The following WNT8B variants were observed in gnomAD, a reference collection of about 807,000 sequenced individuals.
WNT8B encodes the protein protein Wnt-8b.
WNT8B carries 24 observed loss-of-function variants against 36.6 expected under a neutral mutation model. The observed-to-expected ratio is 0.66, with a 90% confidence interval of 0.48 to 0.92. WNT8B has a LOEUF of 0.92. WNT8B is among the 40% of genes least tolerant of loss of function. The pLI is 0.00. For missense variants in WNT8B, 402 were observed against 470.8 expected (o/e 0.85, Z 1.35); for synonymous variants, 199 against 189.8 (o/e 1.05, Z -0.40).
chr10:100,463,441 G>A (rs1033727197), intron 1 of WNT8B, among the ~76,000 whole-genome samples: 1 of 152,146 alleles, frequency 6.6e-6, no homozygotes, highest in Admixed American at 6.6e-5. Flanking sequence ...TAAATGATGG[G>A]AGCGGGGGTT....
At chr10:100,471,273 C>G (rs1255633733) in intron 1 of WNT8B, among the ~76,000 whole-genome samples, 1 of 152,202 alleles carries the variant, frequency 6.6e-6, no homozygotes, top group Non-Finnish European at 1.5e-5. Context: ...TGTCATGAAG[C>G]CACACACTGT....
In WNT8B at chr10:100,469,037, T is replaced by C. The variant is rs1417822; in HGVS notation, c.68+5801T>C. Among the ~76,000 whole-genome samples, 741 of 152,340 alleles carry C rather than the reference T, an allele frequency of 4.9e-3. 9 individuals are homozygous for C. The highest frequency in any genetic ancestry group is 0.017 in the African/African-American group (718 of 41,580). On this transcript the variant is annotated intron_variant, in intron 1 of 5. Coordinates refer to ENST00000343737, the MANE Select transcript of WNT8B (RefSeq NM_003393.4). ...TCATTATATAAAAAATTCACATTTA[T>C]AAAAAACATTTTTAGAATGATTTAC...
intron 1 of WNT8B, among the ~76,000 whole-genome samples, chr10:100,474,371 C>T (rs1851010095): frequency 6.6e-6 from 1 of 152,172 alleles, no homozygotes; most frequent in Non-Finnish European, 1.5e-5. Flanking sequence ...AGCATCTTTC[C>T]TTCAATCACA....
In WNT8B at chr10:100,482,786, C is replaced by T; in HGVS notation, c.1026C>T (p.Gly342=). Residue 342 remains glycine (G), a synonymous_variant, in exon 6 of 6, where the codon GGC becomes GGT. Coordinates refer to ENST00000343737, the MANE Select transcript of WNT8B (RefSeq NM_003393.4). The surrounding 1 kb of genome is among the most constrained non-coding windows in gnomAD (Gnocchi z 6.6). The part of the protein sequence containing the change: ...FCSRAERPRG[G]AAHKPGRKP ...GCCGCGCAGAGCGGCCGCGGGGGGG[C>T]GCTGCGCACAAACCCGGGAGAAAAC... 6.3e-6 allele frequency: 10 copies of T among 1,584,526 alleles called. No homozygotes were observed. The highest frequency in any genetic ancestry group is 7.7e-6 in the Non-Finnish European group (9 of 1,163,862).
chr10:100,479,146 T>C, intron 2 of WNT8B, 61 bp downstream of exon 2: 1 of 1,470,428 alleles, frequency 6.8e-7, no homozygotes, highest in East Asian at 2.3e-5. Context: ...TGACTAAAGA[T>C]GATAAATGCA....
Position 100,483,295 on chromosome 10 carries a change from A to G in WNT8B, c.*479A>G, listed in dbSNP as rs1445501371. 1 of 154,734 alleles carries G rather than the reference A, an allele frequency of 6.5e-6. No individual in the cohort carries two copies. The highest frequency in any genetic ancestry group is 1.4e-5 in the Non-Finnish European group (1 of 69,870). The allele number at this position is 154,734 out of a possible 1,614,324, so 9.6% of individuals were successfully genotyped here. ...TGCTACCTGCTGAGCCAGATTCCCC[A>G]GGAATCTTGAATGCTTTCTCTCCTC... On this transcript the variant is annotated 3_prime_UTR_variant, in exon 6 of 6. Transcript: ENST00000343737.
chr10:100,469,607 C>T (rs973154904), intron 1 of WNT8B, among the ~76,000 whole-genome samples: 13 of 152,188 alleles, frequency 8.5e-5, no homozygotes, highest in Non-Finnish European at 1.8e-4. Flanking sequence ...AGTTCAATCC[C>T]CTCAGGTATT....
chr10:100,472,251 C>T (rs1850987416), intron 1 of WNT8B, among the ~76,000 whole-genome samples: 1 of 151,578 alleles, frequency 6.6e-6, no homozygotes, highest in African/African-American at 2.4e-5. Flanking sequence ...GCTGGGACTA[C>T]AGGCACCCGC....
intron 1 of WNT8B, among the ~76,000 whole-genome samples, chr10:100,473,016 A>G (rs1850996565): frequency 6.6e-6 from 1 of 152,202 alleles, no homozygotes; most frequent in African/African-American, 2.4e-5. Context: ...TTTCTGCTGC[A>G]TCTGATGGTC....
At chr10:100,466,898 G>A (rs1022671448) in intron 1 of WNT8B, among the ~76,000 whole-genome samples, 2 of 152,126 alleles carry the variant, frequency 1.3e-5, no homozygotes, top group African/African-American at 2.4e-5. Flanking sequence ...TCAGAAAAGT[G>A]GGGGAGAATT....
At chr10:100,476,521 T>C (rs1851039756) in intron 1 of WNT8B, among the ~76,000 whole-genome samples, 1 of 152,240 alleles carries the variant, frequency 6.6e-6, no homozygotes, top group Non-Finnish European at 1.5e-5. Context: ...TTTCTTGGTC[T>C]ATTTCATTTC....
chr10:100,476,505 A>G (rs1480309636), intron 1 of WNT8B, among the ~76,000 whole-genome samples: 1 of 152,206 alleles, frequency 6.6e-6, no homozygotes, highest in Non-Finnish European at 1.5e-5. Flanking sequence ...TGGCCTGACA[A>G]GAAACTTTCT....
At chr10:100,477,005 C>T (rs1326322827) in intron 1 of WNT8B, among the ~76,000 whole-genome samples, 1 of 152,176 alleles carries the variant, frequency 6.6e-6, no homozygotes, top group Non-Finnish European at 1.5e-5. Context: ...TGGCCATTCC[C>T]CCAAGACTTT....
intron 1 of WNT8B, among the ~76,000 whole-genome samples, chr10:100,470,412 G>T (rs535311330): frequency 1.3e-5 from 2 of 151,592 alleles, no homozygotes; most frequent in South Asian, 2.1e-4. Flanking sequence ...TTTATTTTTC[G>T]TAGAGACAGA....
rs1851132308 is a variant in WNT8B at position 100,482,573 on chromosome 10, G to A, written c.813G>A (p.Glu271=). 7 of 1,598,484 alleles carry A rather than the reference G, an allele frequency of 4.4e-6. No individual in the cohort carries two copies. The highest frequency in any genetic ancestry group is 5.9e-6 in the Non-Finnish European group (7 of 1,178,296). The change falls in exon 6 of 6, where the codon GAG becomes GAA. Residue 271 remains glutamate (E), a synonymous_variant. Transcript: ENST00000343737. The surrounding 1 kb of genome is among the most constrained non-coding windows in gnomAD (Gnocchi z 6.6). ...GGCTGCTGGGCACCGAAGGCCGAGA[G>A]TGCCTAAGGCGCGGGCGGGCCCTGG... ...TLGLLGTEGR[E]CLRRGRALGR...
intron 1 of WNT8B, among the ~76,000 whole-genome samples, chr10:100,478,000 T>G (rs1441108574): frequency 6.6e-6 from 1 of 151,204 alleles, no homozygotes; most frequent in Non-Finnish European, 1.5e-5. Flanking sequence ...CCTAGGCTGG[T>G]CTTGAACTCC....
At chr10:100,481,397 G>C (rs948526156) in intron 4 of WNT8B, among the ~76,000 whole-genome samples, 2 of 152,130 alleles carry the variant, frequency 1.3e-5, no homozygotes, top group African/African-American at 4.8e-5. Context: ...TCAAACACAA[G>C]GGGAACTTCC....
At chr10:100,468,837 G>A (rs1462849169) in intron 1 of WNT8B, among the ~76,000 whole-genome samples, 2 of 152,220 alleles carry the variant, frequency 1.3e-5, no homozygotes, top group East Asian at 3.9e-4. Flanking sequence ...CTATTACATG[G>A]CCTTTGCTAA....
At chr10:100,474,984 T>C (rs1286977441) in intron 1 of WNT8B, among the ~76,000 whole-genome samples, 1 of 149,780 alleles carries the variant, frequency 6.7e-6, no homozygotes, top group Non-Finnish European at 1.5e-5. Flanking sequence ...CTCACGCCTG[T>C]AATCCCAGCA....
Sources: allele counts gnomAD v4.1 joint callset (sites outside exome capture counted in the v4.1 genomes callset), GRCh38; gene constraint gnomAD v4.1.1; non-coding constraint Gnocchi (gnomAD v3.1); transcripts MANE v1.5; gene names NCBI Gene and HGNC (gene_info 2026-07-23, HGNC 2026-07-21).